The following HPCAL1 variants were observed in gnomAD, a reference collection of about 807,000 sequenced individuals.
HPCAL1 encodes the protein hippocalcin like 1, also known as hippocalcin-like protein 1.
In HPCAL1, 8 loss-of-function variants were observed where a neutral mutation model predicts 17.1. The ratio of observed to expected loss-of-function variants is 0.47; its 90% CI spans 0.27 to 0.84. HPCAL1 has a LOEUF of 0.84. Ranked by LOEUF, HPCAL1 falls within the 40% of genes least tolerant of loss-of-function variation. The pLI is 0.13. For missense variants in HPCAL1, 165 were observed against 271.1 expected (o/e 0.61, Z 2.75); for synonymous variants, 112 against 111.4 (o/e 1.01, Z -0.03).
At chr2:10,346,691 G>A (rs538339522) in intron 1 of HPCAL1, among the ~76,000 whole-genome samples, 13 of 152,270 alleles carry the variant, frequency 8.5e-5, no homozygotes, top group South Asian at 8.3e-4. Flanking sequence ...AGTAGCAGGC[G>A]TTGGCATCAT....
In HPCAL1 at chr2:10,359,403, G is replaced by A. The variant is rs930455495; in HGVS notation, c.-110-37432G>A. ...GCCCCTGCAGGCAGGAGACTTCAAC[G>A]CAGAGATTAAGAAGTTGAGATGTCT... On this transcript the variant is annotated intron_variant, in intron 1 of 4. Coordinates refer to ENST00000307845, the MANE Select transcript of HPCAL1 (RefSeq NM_002149.4). The surrounding 1 kb of genome is among the most constrained non-coding windows in gnomAD (Gnocchi z 4.1). Among the ~76,000 whole-genome samples the A allele has an allele frequency of 4.6e-5, 7 of 152,182 alleles. No individual in the cohort carries two copies. The highest frequency in any genetic ancestry group is 1.3e-4 in the Admixed American group (2 of 15,272).
intron 2 of HPCAL1, among the ~76,000 whole-genome samples, chr2:10,416,764 C>G (rs1670700406): frequency 6.7e-6 from 1 of 148,852 alleles, no homozygotes. Flanking sequence ...AATTGAGTTT[C>G]TAAAGTGAAC....
intron 1 of HPCAL1, among the ~76,000 whole-genome samples, chr2:10,332,654 G>T (rs968412471): frequency 1.3e-5 from 2 of 152,204 alleles, no homozygotes; most frequent in Non-Finnish European, 1.5e-5. Context: ...CTTATCAGCA[G>T]GGGAGAGATC....
At chr2:10,409,790 T>C (rs1461519121) in intron 2 of HPCAL1, among the ~76,000 whole-genome samples, 2 of 133,536 alleles carry the variant, frequency 1.5e-5, no homozygotes, top group Admixed American at 7.4e-5. Context: ...TTTTTTTTTT[T>C]TTTTTTTTTT....
intron 1 of HPCAL1, among the ~76,000 whole-genome samples, chr2:10,332,784 G>A (rs939669140): frequency 2.6e-5 from 4 of 152,056 alleles, no homozygotes; most frequent in Admixed American, 1.3e-4. Context: ...AGGCAGGGGG[G>A]GACTTTGATG....
rs775856173 is a variant in HPCAL1, at chr2:10,342,543, G to T, written c.-111+39366G>T. On this transcript the variant is annotated intron_variant, in intron 1 of 4. Transcript: ENST00000307845. This position sits in a 1 kb window ranked among gnomAD's most constrained non-coding sequence, Gnocchi z 4.1. Reference sequence around the variant, plus strand: ...AGGGGACTCCCAGGGAGCGGGGCTTGTGCTGGACTTTGCAGGATGCCAGAC... The same window carrying T: ...AGGGGACTCCCAGGGAGCGGGGCTTTTGCTGGACTTTGCAGGATGCCAGAC... 1.3e-5 allele frequency among the ~76,000 whole-genome samples: 2 copies of T among 152,222 alleles called. No individual in the cohort carries two copies. The highest frequency in any genetic ancestry group is 2.9e-5 in the Non-Finnish European group (2 of 68,038).
At chr2:10,305,231 TA>T (rs145250273) in intron 1 of HPCAL1, among the ~76,000 whole-genome samples, 44 of 150,200 alleles carry the variant, frequency 2.9e-4, no homozygotes, top group African/African-American at 8.3e-4. Context: ...ATAATAATAT[TA>T]AAAAAAAAAT....
intron 2 of HPCAL1, among the ~76,000 whole-genome samples, chr2:10,400,256 C>T (rs926518735): frequency 3.3e-5 from 5 of 152,324 alleles, no homozygotes; most frequent in Middle Eastern, 3.4e-3. Context: ...CTGGCAACCC[C>T]GACCGCTGAG....
intron 1 of HPCAL1, among the ~76,000 whole-genome samples, chr2:10,371,936 C>A (rs1667237872): frequency 6.6e-6 from 1 of 152,226 alleles, no homozygotes; most frequent in Non-Finnish European, 1.5e-5. Context: ...GCCCAACCGC[C>A]TCCTCCAGGC....
rs1553353352 is a variant in HPCAL1 at position 10,383,701 on chromosome 2, A to AG, written c.-110-13134_-110-13133insG. On this transcript the variant is annotated intron_variant, in intron 1 of 4. Coordinates refer to ENST00000307845, the MANE Select transcript of HPCAL1 (RefSeq NM_002149.4). ...CAAAAAAAAAAGAAAAGAAAAGAAA[A>AG]AAAAGGTAAATCTAAGAGGTGACCA... Among the ~76,000 whole-genome samples, 508 of 151,064 alleles carry AG rather than the reference A, an allele frequency of 3.4e-3. 5 individuals carry two copies. Among genetic ancestry groups the AG allele is most frequent in the African/African-American group, 0.012 (480 of 41,014 alleles).
At position 10,426,929 on chromosome 2, in the gene HPCAL1, G is replaced by C; in HGVS notation, c.*108G>C. On this transcript the variant is annotated 3_prime_UTR_variant, in exon 5 of 5. Coordinates refer to ENST00000307845, the MANE Select transcript of HPCAL1 (RefSeq NM_002149.4). ...ATCGTTCCTGCTCTCCCGGGCCCCG[G>C]GCCTGGGGCATGCGTTGCACCTGCC... is the stretch of plus-strand genomic sequence containing the variant. The C allele has an allele frequency of 9.3e-7, 1 of 1,069,854 alleles. No individual in the cohort carries two copies. 66.3% of individuals were successfully genotyped at this position (1,069,854 alleles called of 1,614,324 possible). A position where few individuals can be genotyped will look rare whatever the true frequency, so the allele number is the denominator to read the frequency against.
chr2:10,371,214 T>A (rs910257618), intron 1 of HPCAL1, among the ~76,000 whole-genome samples: 12 of 152,156 alleles, frequency 7.9e-5, no homozygotes, highest in African/African-American at 2.7e-4. Context: ...TGGGTCTGGC[T>A]GGCCACCGGG....
At chr2:10,328,479 G>A (rs1017897853) in intron 1 of HPCAL1, among the ~76,000 whole-genome samples, 12 of 152,234 alleles carry the variant, frequency 7.9e-5, no homozygotes, top group African/African-American at 2.7e-4. Flanking sequence ...GTAAGGATCT[G>A]CCCTCACCAG....
intron 2 of HPCAL1, among the ~76,000 whole-genome samples, chr2:10,398,349 C>G (rs1005440565): frequency 1.3e-5 from 2 of 152,202 alleles, no homozygotes; most frequent in African/African-American, 4.8e-5. Flanking sequence ...TTTTCTTGGC[C>G]CTAGACACGG....
At chr2:10,339,162 AT>A (rs538654732) in intron 1 of HPCAL1, among the ~76,000 whole-genome samples, 13 of 151,902 alleles carry the variant, frequency 8.6e-5, no homozygotes, top group African/African-American at 2.9e-4. Flanking sequence ...TGAAAAAAAA[AT>A]TTTTTTTGAG....
chr2:10,371,109 C>T (rs1372464213), intron 1 of HPCAL1, among the ~76,000 whole-genome samples: 6 of 152,156 alleles, frequency 3.9e-5, no homozygotes, highest in African/African-American at 1.4e-4. Context: ...GTTACCAGGG[C>T]CTGGAGCAGC....
chr2:10,421,902 C>G (rs144108674), intron 3 of HPCAL1, among the ~76,000 whole-genome samples: 264 of 152,250 alleles, frequency 1.7e-3, no homozygotes, highest in Middle Eastern at 6.8e-3. Flanking sequence ...AACATGGGCT[C>G]GGGGAACTCT....
chr2:10,369,816 G>A (rs1219525228), intron 1 of HPCAL1, among the ~76,000 whole-genome samples: 1 of 152,224 alleles, frequency 6.6e-6, no homozygotes, highest in Non-Finnish European at 1.5e-5. Flanking sequence ...TGAGCTCAAA[G>A]GAGGCATAGA....
At position 10,315,512 on chromosome 2, in the gene HPCAL1, G is replaced by A. The variant is rs190077174; in HGVS notation, c.-111+12335G>A. ...GCAATTAGACAGGAAAGAGCCTCCA[G>A]GAGGAACTCCAAATACCCATCCTTT... On this transcript the variant is annotated intron_variant, in intron 1 of 4. Coordinates refer to ENST00000307845, the MANE Select transcript of HPCAL1 (RefSeq NM_002149.4). Among the ~76,000 whole-genome samples, 3 of 152,276 alleles carry A rather than the reference G, an allele frequency of 2.0e-5. No individual in the cohort carries two copies. The East Asian group carries it at 5.8e-4, about 29-fold the overall frequency.
Sources: allele counts gnomAD v4.1 joint callset (sites outside exome capture counted in the v4.1 genomes callset), GRCh38; gene constraint gnomAD v4.1.1; non-coding constraint Gnocchi (gnomAD v3.1); transcripts MANE v1.5; gene names NCBI Gene and HGNC (gene_info 2026-07-23, HGNC 2026-07-21).